EPHB1: variants seen among roughly 807,000 people sequenced by gnomAD.
EPHB1 encodes the protein ephrin type-B receptor 1.
A neutral mutation model predicts 94.4 loss-of-function variants in EPHB1; 30 were observed. The ratio of observed to expected loss-of-function variants is 0.32; its 90% CI spans 0.24 to 0.43. EPHB1 has a LOEUF of 0.43. Ranked by LOEUF, EPHB1 falls within the 20% of genes least tolerant of loss-of-function variation. EPHB1 has a pLI of 1.00. For missense variants in EPHB1, 1,055 were observed against 1,308.3 expected, an observed-to-expected ratio of 0.81 and a Z score of 2.99; for synonymous variants, 522 against 489.1, an observed-to-expected ratio of 1.07 and a Z score of -0.89.
chr3:135,181,481 T>C (rs1410444053), intron 10 of EPHB1, among the ~76,000 whole-genome samples: 1 of 152,226 alleles, frequency 6.6e-6, no homozygotes, highest in Non-Finnish European at 1.5e-5. Context: ...TCTTAAGGGC[T>C]CAGATTTCTC....
intron 1 of EPHB1, among the ~76,000 whole-genome samples, chr3:134,889,881 T>C (rs894939268): frequency 6.6e-5 from 10 of 151,908 alleles, no homozygotes; most frequent in African/African-American, 2.4e-4. Flanking sequence ...GGTTTCACCG[T>C]GTTAGCCAGG....
intron 3 of EPHB1, among the ~76,000 whole-genome samples, chr3:135,006,182 A>T (rs2107746185): frequency 6.6e-6 from 1 of 152,350 alleles, no homozygotes; most frequent in East Asian, 1.9e-4. Context: ...GTATTTCTGT[A>T]CAGCAGTGTA....
chr3:135,122,084 T>G (rs1939988437), intron 4 of EPHB1, among the ~76,000 whole-genome samples: 1 of 152,194 alleles, frequency 6.6e-6, no homozygotes, highest in Non-Finnish European at 1.5e-5. Context: ...TTTGTGTGGC[T>G]GTTGTGCAGG....
At chr3:135,181,877 C>T (rs1942161957) in intron 10 of EPHB1, among the ~76,000 whole-genome samples, 1 of 152,172 alleles carries the variant, frequency 6.6e-6, no homozygotes. Context: ...AGAGAAGGTT[C>T]AGTCTTCTCC....
At chr3:134,982,185 C>T (rs929237865) in intron 3 of EPHB1, among the ~76,000 whole-genome samples, 2 of 152,066 alleles carry the variant, frequency 1.3e-5, no homozygotes, top group Admixed American at 6.5e-5. Context: ...TTCTCTAAAT[C>T]GTAGACCTGG....
chr3:135,108,769 T>C (rs768759737), intron 4 of EPHB1, among the ~76,000 whole-genome samples: 1 of 152,210 alleles, frequency 6.6e-6, no homozygotes, highest in East Asian at 1.9e-4. Context: ...TTCCCAGTAC[T>C]TGCTCATATC....
intron 3 of EPHB1, among the ~76,000 whole-genome samples, chr3:135,102,989 A>G (rs905012770): frequency 2.6e-5 from 4 of 152,096 alleles, no homozygotes; most frequent in Admixed American, 1.3e-4. Context: ...GGTGGGGGCA[A>G]GGGGAAGGAT....
intron 3 of EPHB1, among the ~76,000 whole-genome samples, chr3:135,086,284 C>T (rs969991228): frequency 6.6e-6 from 1 of 150,776 alleles, no homozygotes; most frequent in African/African-American, 2.4e-5. Context: ...TGGAGGAGGA[C>T]CAGAAGAGTG....
At chr3:135,129,315 C>A (rs1940334169) in intron 4 of EPHB1, among the ~76,000 whole-genome samples, 1 of 152,042 alleles carries the variant, frequency 6.6e-6, no homozygotes. Context: ...GTCAGGGAGG[C>A]CACTAGATGA....
intron 12 of EPHB1, among the ~76,000 whole-genome samples, chr3:135,229,431 T>C (rs1943481434): frequency 6.6e-6 from 1 of 152,110 alleles, no homozygotes; most frequent in African/African-American, 2.4e-5. Flanking sequence ...TATTTTTAAA[T>C]AGCTGTTGGA....
At chr3:135,091,116 C>T (rs1938534908) in intron 3 of EPHB1, among the ~76,000 whole-genome samples, 1 of 152,212 alleles carries the variant, frequency 6.6e-6, no homozygotes. Flanking sequence ...TTCCCTGATG[C>T]ACACAGAGAG....
intron 3 of EPHB1, among the ~76,000 whole-genome samples, chr3:135,066,108 C>T (rs1197075720): frequency 6.6e-6 from 1 of 152,148 alleles, no homozygotes; most frequent in Non-Finnish European, 1.5e-5. Flanking sequence ...TTACCTGGTG[C>T]TTTTGTCTCA....
At chr3:135,214,724 C>T (rs1042003114) in intron 12 of EPHB1, among the ~76,000 whole-genome samples, 3 of 152,212 alleles carry the variant, frequency 2.0e-5, no homozygotes, top group African/African-American at 7.2e-5. Flanking sequence ...GCATTTCAGC[C>T]ACAATCGCTT....
intron 5 of EPHB1, among the ~76,000 whole-genome samples, chr3:135,145,048 AC>A (rs1940964924): frequency 6.6e-6 from 1 of 152,226 alleles, no homozygotes; most frequent in East Asian, 1.9e-4. Flanking sequence ...ATCTACTTTG[AC>A]CAGAAGTGTT....
intron 3 of EPHB1, among the ~76,000 whole-genome samples, chr3:135,010,227 T>C (rs1174452281): frequency 1.3e-5 from 2 of 152,202 alleles, no homozygotes; most frequent in African/African-American, 4.8e-5. Flanking sequence ...AGAGTAAAGA[T>C]GAGATTTATT....
chr3:134,900,112 T>A (rs574615086), intron 1 of EPHB1, among the ~76,000 whole-genome samples: 300 of 152,258 alleles, frequency 2.0e-3, no homozygotes, highest in Admixed American at 3.7e-3. Flanking sequence ...TGAGCCTTGG[T>A]TTCTCCTTCT....
intron 1 of EPHB1, among the ~76,000 whole-genome samples, chr3:134,824,162 C>G (rs1276417689): frequency 1.7e-5 from 2 of 120,440 alleles, no homozygotes; most frequent in Admixed American, 2.2e-4. Flanking sequence ...GTAATCCTAG[C>G]TCTTGCACTT....
At chr3:135,042,656 C>A (rs994849606) in intron 3 of EPHB1, among the ~76,000 whole-genome samples, 1 of 152,104 alleles carries the variant, frequency 6.6e-6, no homozygotes, top group Non-Finnish European at 1.5e-5. Context: ...GCAGCCTTCA[C>A]TGGGCTGATT....
intron 2 of EPHB1, among the ~76,000 whole-genome samples, chr3:134,950,381 C>T (rs1310266035): frequency 6.6e-6 from 1 of 152,206 alleles, no homozygotes; most frequent in Non-Finnish European, 1.5e-5. Context: ...TCTTAGCAGC[C>T]TCCACTTTTA....
Sources: gnomAD v4.1 joint callset for allele counts (sites outside exome capture counted in the v4.1 genomes callset) on GRCh38, gnomAD v4.1.1 for gene constraint, MANE v1.5 for transcripts, NCBI Gene and HGNC (gene_info 2026-07-23, HGNC 2026-07-21) for gene names.